The following ELAVL2 variants were observed in gnomAD, a reference collection of about 807,000 sequenced individuals.
The protein encoded by ELAVL2 is ELAV-like protein 2.
ELAVL2 carries 4 observed loss-of-function variants against 34.6 expected under a neutral mutation model. The ratio of observed to expected loss-of-function variants is 0.12; its 90% CI spans 0.06 to 0.26. The LOEUF (loss-of-function observed/expected upper bound fraction) is 0.26, where lower values mean the gene tolerates loss of function less well. ELAVL2 is among the 10% of genes least tolerant of loss of function. The pLI is 1.00. For synonymous variants in ELAVL2, 193 were observed against 154.8 expected (o/e 1.25, Z -1.83); for missense variants, 432 against 442.8 (o/e 0.98, Z 0.22).
At chr9:23,707,539 C>G (rs1407671708) in intron 3 of ELAVL2, among the ~76,000 whole-genome samples, 4 of 152,136 alleles carry the variant, frequency 2.6e-5, no homozygotes, top group African/African-American at 9.7e-5. Context: ...AATGACTGAT[C>G]AAGCAACCAG....
At chr9:23,831,193 A>C (rs1003506540), upstream of ELAVL2, among the ~76,000 whole-genome samples, 1 of 152,056 alleles carries the variant, frequency 6.6e-6, no homozygotes, top group Non-Finnish European at 1.5e-5. Flanking sequence ...TTATGTTTCC[A>C]CTTGTGTGCG....
At chr9:23,759,211 T>C (rs1200429141) in intron 2 of ELAVL2, among the ~76,000 whole-genome samples, 3 of 152,020 alleles carry the variant, frequency 2.0e-5, no homozygotes, top group African/African-American at 4.8e-5. Flanking sequence ...ATATGCTATA[T>C]ATACAAAATG....
chr9:23,715,948 ACTT>A (rs1158169724), intron 3 of ELAVL2, among the ~76,000 whole-genome samples: 1 of 152,082 alleles, frequency 6.6e-6, no homozygotes, highest in African/African-American at 2.4e-5. Flanking sequence ...ACTTTCATAC[ACTT>A]CTTCATCCAT....
the ELAVL2 span, among the ~76,000 whole-genome samples, chr9:23,839,756 T>G: frequency 6.6e-6 from 1 of 152,180 alleles, no homozygotes; most frequent in Non-Finnish European, 1.5e-5. Context: ...AATTAAAAAC[T>G]GAGGTAGAAA....
At chr9:23,750,649 G>C (rs527989606) in intron 2 of ELAVL2, among the ~76,000 whole-genome samples, 77 of 152,158 alleles carry the variant, frequency 5.1e-4, no homozygotes, top group Non-Finnish European at 8.4e-4. Context: ...TCATTTAGGA[G>C]AGCCCTTGTC....
intron 3 of ELAVL2, among the ~76,000 whole-genome samples, chr9:23,723,139 C>T (rs1195286935): frequency 6.6e-6 from 1 of 152,074 alleles, no homozygotes; most frequent in Non-Finnish European, 1.5e-5. Context: ...TATTGCGGCA[C>T]TATTCACAAT....
At chr9:23,719,242 G>A (rs1287961748) in intron 3 of ELAVL2, among the ~76,000 whole-genome samples, 2 of 152,148 alleles carry the variant, frequency 1.3e-5, no homozygotes, top group Non-Finnish European at 2.9e-5. Context: ...GGGTCTTGCT[G>A]ACTGATAGCA....
upstream of ELAVL2, among the ~76,000 whole-genome samples, chr9:23,829,267 A>G (rs2065425249): frequency 6.6e-6 from 1 of 152,236 alleles, no homozygotes; most frequent in Admixed American, 6.5e-5. Flanking sequence ...CATGAATTTA[A>G]TTATTTTACT....
intron 2 of ELAVL2, among the ~76,000 whole-genome samples, chr9:23,755,067 C>T (rs1445083703): frequency 6.6e-6 from 1 of 152,108 alleles, no homozygotes; most frequent in African/African-American, 2.4e-5. Context: ...CAAACCTTTC[C>T]TTTGTTAAAA....
At chr9:23,743,313 TA>T (rs2049727902) in intron 2 of ELAVL2, among the ~76,000 whole-genome samples, 1 of 152,214 alleles carries the variant, frequency 6.6e-6, no homozygotes, top group Admixed American at 6.5e-5. Context: ...GCCACATTCA[TA>T]TCACACATAA....
At position 23,690,577 on chromosome 9, in the gene ELAVL2, T is replaced by C. The variant is rs557796853; in HGVS notation, c.*1980A>G. ...AGCATGAAAACTCGCTTATTCACTTTAGCACGCGCCTCACAGTATATGTAC... is the reference window on the plus strand; with the variant it reads ...AGCATGAAAACTCGCTTATTCACTTCAGCACGCGCCTCACAGTATATGTAC... On this transcript the variant is annotated 3_prime_UTR_variant, in exon 7 of 7. Coordinates refer to ENST00000397312, the MANE Select transcript of ELAVL2 (RefSeq NM_004432.5). 5 of 152,698 alleles carry C rather than the reference T, an allele frequency of 3.3e-5. No individual in the cohort carries two copies. The East Asian group carries it at 7.7e-4, about 24-fold the overall frequency. The allele number at this position is 152,698 out of a possible 1,614,324, so 9.5% of individuals were successfully genotyped here.
At chr9:23,777,662 G>A (rs1019548894) in intron 1 of ELAVL2, among the ~76,000 whole-genome samples, 1 of 151,992 alleles carries the variant, frequency 6.6e-6, no homozygotes, top group Non-Finnish European at 1.5e-5. Context: ...AAGCAAGAAC[G>A]GTAAATTAAA....
chr9:23,809,497 G>T (rs1435773753), intron 1 of ELAVL2, among the ~76,000 whole-genome samples: 1 of 152,092 alleles, frequency 6.6e-6, no homozygotes, highest in African/African-American at 2.4e-5. Flanking sequence ...GAAAACATGG[G>T]ATTAGTTAAG....
intron 1 of ELAVL2, among the ~76,000 whole-genome samples, chr9:23,806,825 G>A (rs550584215): frequency 1.3e-4 from 20 of 152,098 alleles, no homozygotes; most frequent in Non-Finnish European, 2.2e-4. Flanking sequence ...TGCCCATTCC[G>A]TAACAGCTCC....
chr9:23,760,359 G>A (rs186931197), intron 2 of ELAVL2, among the ~76,000 whole-genome samples: 2 of 151,752 alleles, frequency 1.3e-5, no homozygotes, highest in East Asian at 1.9e-4. Context: ...AATAGTAAGG[G>A]GAGCTCTACT....
chr9:23,772,771 ATG>A (rs2057531406), intron 1 of ELAVL2, among the ~76,000 whole-genome samples: 1 of 152,126 alleles, frequency 6.6e-6, no homozygotes, highest in South Asian at 2.1e-4. Flanking sequence ...CACCTATGAA[ATG>A]TGTTTTTCTT....
the ELAVL2 span, among the ~76,000 whole-genome samples, chr9:23,843,386 T>C: frequency 6.6e-6 from 1 of 152,036 alleles, no homozygotes; most frequent in Admixed American, 6.6e-5. Flanking sequence ...ATAATGATAT[T>C]CACACAAAGT....
chr9:23,694,752 C>A (rs909139728), intron 5 of ELAVL2, among the ~76,000 whole-genome samples: 1 of 152,180 alleles, frequency 6.6e-6, no homozygotes, highest in Non-Finnish European at 1.5e-5. Flanking sequence ...CCCTCAGTCT[C>A]CACTGAAAAT....
At chr9:23,723,092 T>C (rs1306131641) in intron 3 of ELAVL2, among the ~76,000 whole-genome samples, 2 of 152,228 alleles carry the variant, frequency 1.3e-5, no homozygotes, top group African/African-American at 4.8e-5. Context: ...TTTCTTCTTG[T>C]AAATTTGTTT....
Sources: gnomAD v4.1 joint callset for allele counts (sites outside exome capture counted in the v4.1 genomes callset) on GRCh38, gnomAD v4.1.1 for gene constraint, MANE v1.5 for transcripts, NCBI Gene and HGNC (gene_info 2026-07-23, HGNC 2026-07-21) for gene names.